The following MCUB variants were observed in gnomAD, a reference collection of about 807,000 sequenced individuals.
The protein encoded by MCUB is mitochondrial calcium uniporter dominant negative subunit beta, also known as calcium uniporter regulatory subunit MCUb, mitochondrial.
A neutral mutation model predicts 41.4 loss-of-function variants in MCUB; 46 were observed. The ratio of observed to expected loss-of-function variants is 1.11; its 90% CI spans 0.88 to 1.42. The LOEUF (loss-of-function observed/expected upper bound fraction) is 1.42, where lower values mean the gene tolerates loss of function less well. Ranked by LOEUF, MCUB falls within the 40% of genes most tolerant of loss-of-function variation. MCUB has a pLI of 0.00. For synonymous variants in MCUB, 148 were observed against 148.2 expected (o/e 1.00, Z 0.01); for missense variants, 403 against 404.9 (o/e 1.00, Z 0.04).
intron 4 of MCUB, among the ~76,000 whole-genome samples, chr4:109,680,769 C>G (rs1579098610): frequency 6.6e-6 from 1 of 152,318 alleles, no homozygotes; most frequent in East Asian, 1.9e-4. Flanking sequence ...GATACCAACT[C>G]TAGACATATG....
intron 1 of MCUB, among the ~76,000 whole-genome samples, chr4:109,598,187 C>G (rs1378659676): frequency 6.7e-6 from 1 of 148,512 alleles, no homozygotes; most frequent in Non-Finnish European, 1.5e-5. Context: ...ACTTCCCAGA[C>G]GGGGTGGCGG....
chr4:109,666,241 G>A (rs1238076772), intron 4 of MCUB, among the ~76,000 whole-genome samples: 2 of 152,210 alleles, frequency 1.3e-5, no homozygotes, highest in African/African-American at 4.8e-5. Flanking sequence ...TGGCAATTAT[G>A]AATGGAGTTG....
chr4:109,634,816 AATTATT>A (rs1397848949), intron 1 of MCUB, among the ~76,000 whole-genome samples: 1 of 152,066 alleles, frequency 6.6e-6, no homozygotes. Context: ...GCTCTTTTTA[AATTATT>A]ATTATTATAC....
chr4:109,595,318 G>A (rs1344319145), intron 1 of MCUB, among the ~76,000 whole-genome samples: 7 of 152,156 alleles, frequency 4.6e-5, no homozygotes, highest in African/African-American at 1.2e-4. Context: ...AATTAACCAC[G>A]GAATCTGCAC....
chr4:109,582,928 G>C (rs971436827), intron 1 of MCUB, among the ~76,000 whole-genome samples: 1 of 152,134 alleles, frequency 6.6e-6, no homozygotes, highest in Admixed American at 6.5e-5. Context: ...CTATGTATCT[G>C]TTTTGGTACC....
intron 4 of MCUB, among the ~76,000 whole-genome samples, chr4:109,677,937 T>C (rs1031066616): frequency 6.6e-6 from 1 of 151,312 alleles, no homozygotes; most frequent in African/African-American, 2.4e-5. Context: ...CAAAGGTCTC[T>C]GGTTTTCCTA....
Position 109,660,186 on chromosome 4 carries a change from C to G in MCUB, c.176-9C>G. 1 of 1,321,590 alleles carries G rather than the reference C, an allele frequency of 7.6e-7. No individual in the cohort carries two copies. The highest frequency in any genetic ancestry group is 1.0e-6 in the Non-Finnish European group (1 of 985,338). 81.9% of individuals were successfully genotyped at this position (1,321,590 alleles called of 1,614,324 possible). A position where few individuals can be genotyped will look rare whatever the true frequency, so the allele number is the denominator to read the frequency against. On this transcript the variant is annotated splice_polypyrimidine_tract_variant and intron_variant, in intron 2 of 7. Coordinates refer to ENST00000394650, the MANE Select transcript of MCUB (RefSeq NM_017918.5). ...TTTACTCATTTTTTTTTCTTTTTTT[C>G]CTTAACAGAAATAACAGTTATTTAT...
chr4:109,580,697 C>G (rs1434721962), intron 1 of MCUB, among the ~76,000 whole-genome samples: 1 of 152,208 alleles, frequency 6.6e-6, no homozygotes, highest in Non-Finnish European at 1.5e-5. Flanking sequence ...AGTGTCTGTT[C>G]ATATCCTTCG....
chr4:109,613,252 G>A (rs1325615193), intron 1 of MCUB, among the ~76,000 whole-genome samples: 1 of 152,164 alleles, frequency 6.6e-6, no homozygotes, highest in African/African-American at 2.4e-5. Flanking sequence ...ATCTACTATT[G>A]CTATCTAATG....
At chr4:109,663,584 C>A (rs1462199287) in intron 3 of MCUB, among the ~76,000 whole-genome samples, 1 of 152,108 alleles carries the variant, frequency 6.6e-6, no homozygotes, top group African/African-American at 2.4e-5. Context: ...TCATTTTTTT[C>A]AAGCTTGAAA....
At chr4:109,664,943 TAA>T (rs11307907) in intron 4 of MCUB, among the ~76,000 whole-genome samples, 38,682 of 150,864 alleles carry the variant, frequency 0.26, 5,036 homozygotes, top group South Asian at 0.27. Flanking sequence ...TTAACTCTTG[TAA>T]AAAAAAAAAA....
chr4:109,564,325 G>A (rs1726720375), intron 1 of MCUB, among the ~76,000 whole-genome samples: 1 of 151,848 alleles, frequency 6.6e-6, no homozygotes, highest in African/African-American at 2.4e-5. Context: ...AGTAGAGACC[G>A]GGTTTGGTTT....
At position 109,570,781 on chromosome 4, in the gene MCUB, C is replaced by G. The variant is rs191713605; in HGVS notation, c.99+10345C>G. Among the ~76,000 whole-genome samples, 27 of 152,196 alleles carry G rather than the reference C, an allele frequency of 1.8e-4. No individual in the cohort carries two copies. In the South Asian group the frequency reaches 5.6e-3, roughly 32 times the overall value. On this transcript the variant is annotated intron_variant, in intron 1 of 7. Transcript: ENST00000394650. The stretch of plus-strand genomic sequence containing the variant: ...TAAGTACGTTAATAAGGACCAATTA[C>G]GAAGTCATGGTTATTGTACATGGAG...
At chr4:109,649,176 A>G (rs970044438) in intron 1 of MCUB, among the ~76,000 whole-genome samples, 4 of 152,110 alleles carry the variant, frequency 2.6e-5, no homozygotes, top group Admixed American at 1.3e-4. Context: ...GTTGAGTTTA[A>G]TCTGTTTACA....
intron 7 of MCUB, 51 bp from the exon 8 acceptor site, chr4:109,687,464 G>T: frequency 8.1e-7 from 1 of 1,235,718 alleles, no homozygotes; most frequent in Non-Finnish European, 1.2e-6. Context: ...CAGTAATGTT[G>T]GTATGTTTCT....
intron 1 of MCUB, among the ~76,000 whole-genome samples, chr4:109,657,279 G>A (rs1729127903): frequency 6.6e-6 from 1 of 151,236 alleles, no homozygotes; most frequent in Non-Finnish European, 1.5e-5. Context: ...AAAAGATGAT[G>A]TTGTGTTGAC....
chr4:109,658,067 A>G (rs1729144449), intron 1 of MCUB, among the ~76,000 whole-genome samples: 1 of 152,174 alleles, frequency 6.6e-6, no homozygotes, highest in African/African-American at 2.4e-5. Context: ...AGCTCAAGCA[A>G]TCCTCCTGCT....
chr4:109,616,810 A>G (rs1359928420), intron 1 of MCUB, among the ~76,000 whole-genome samples: 1 of 152,056 alleles, frequency 6.6e-6, no homozygotes, highest in African/African-American at 2.4e-5. Context: ...ATTATAAAAT[A>G]TACTTTCTAT....
rs148694689 is a variant in MCUB at position 109,641,178 on chromosome 4, C to T, written c.100-17833C>T. On this transcript the variant is annotated intron_variant, in intron 1 of 7. Transcript: ENST00000394650. Reference sequence around the variant, plus strand: ...CGTGATGTTGGCTCACTGCAAGCTTCGCCTCCCGGGTTCACGCCATTCTCC... The same window carrying T: ...CGTGATGTTGGCTCACTGCAAGCTTTGCCTCCCGGGTTCACGCCATTCTCC... 8.2e-3 allele frequency among the ~76,000 whole-genome samples: 1,252 copies of T among 151,858 alleles called. 34 individuals are homozygous for T. The highest frequency in any genetic ancestry group is 0.061 in the South Asian group (294 of 4,806).
Sources: allele counts gnomAD v4.1 joint callset (sites outside exome capture counted in the v4.1 genomes callset), GRCh38; gene constraint gnomAD v4.1.1; transcripts MANE v1.5; gene names NCBI Gene and HGNC (gene_info 2026-07-23, HGNC 2026-07-21).